IL19: variants seen among roughly 807,000 people sequenced by gnomAD.
IL19 encodes interleukin 19.
A neutral mutation model predicts 19.5 loss-of-function variants in IL19; 15 were observed. The observed-to-expected ratio is 0.77, with a 90% CI of 0.52 to 1.19. The LOEUF is 1.19. IL19 is among the 50% of genes most tolerant of loss of function. The probability of loss-of-function intolerance (pLI) is 0.00; values close to 1 mark genes in which losing one functional copy is unlikely to be tolerated. For synonymous variants in IL19, 78 were observed against 78.3 expected (o/e 1.00, Z 0.02); for missense variants, 199 against 213.1 (o/e 0.93, Z 0.41).
chr1:206,782,184 A>G (rs1040129594), intron 1 of IL19, among the ~76,000 whole-genome samples: 10 of 151,984 alleles, frequency 6.6e-5, no homozygotes, highest in Non-Finnish European at 1.5e-4. Context: ...GCATTTTTAA[A>G]TGAGATGTAA....
chr1:206,809,536 C>T (rs1163295086), intron 2 of IL19, among the ~76,000 whole-genome samples: 1 of 152,222 alleles, frequency 6.6e-6, no homozygotes, highest in Admixed American at 6.5e-5. Flanking sequence ...TGATTTTATA[C>T]TGCACCATTG....
At chr1:206,807,676 AG>A (rs1233148148) in intron 2 of IL19, among the ~76,000 whole-genome samples, 1 of 152,082 alleles carries the variant, frequency 6.6e-6, no homozygotes, top group East Asian at 1.9e-4. Flanking sequence ...TTATGTGTTT[AG>A]TTGTGTTACA....
At chr1:206,816,714 TAA>T (rs1676166841) in intron 2 of IL19, among the ~76,000 whole-genome samples, 1 of 152,164 alleles carries the variant, frequency 6.6e-6, no homozygotes, top group South Asian at 2.1e-4. Flanking sequence ...ACAAATGGCC[TAA>T]ATATGACCAT....
intron 1 of IL19, among the ~76,000 whole-genome samples, chr1:206,794,461 C>T (rs1675474156): frequency 6.6e-6 from 1 of 152,168 alleles, no homozygotes; most frequent in African/African-American, 2.4e-5. Context: ...CTTTGTGAAG[C>T]CTCTTCCCAC....
intron 2 of IL19, among the ~76,000 whole-genome samples, chr1:206,835,001 C>T (rs372457710): frequency 3.9e-5 from 6 of 152,168 alleles, no homozygotes; most frequent in South Asian, 4.1e-4. Context: ...GAGAAAATTA[C>T]GTAAAATTCT....
At chr1:206,793,895 G>T (rs551745640) in intron 1 of IL19, among the ~76,000 whole-genome samples, 1 of 152,170 alleles carries the variant, frequency 6.6e-6, no homozygotes, top group African/African-American at 2.4e-5. Flanking sequence ...AGAAAGAGGG[G>T]CTGAGTAGCA....
chr1:206,795,457 G>A (rs1212196338), intron 1 of IL19, among the ~76,000 whole-genome samples: 4 of 152,136 alleles, frequency 2.6e-5, no homozygotes, highest in Non-Finnish European at 5.9e-5. Flanking sequence ...TCTCAGATTG[G>A]ATGCCTCAAG....
chr1:206,831,236 G>A (rs1319255713), intron 2 of IL19, among the ~76,000 whole-genome samples: 1 of 152,196 alleles, frequency 6.6e-6, no homozygotes, highest in East Asian at 1.9e-4. Context: ...ACATGAGAGA[G>A]TTGTGTCCAG....
intron 1 of IL19, among the ~76,000 whole-genome samples, chr1:206,786,074 T>A (rs1572547491): frequency 2.0e-5 from 3 of 152,144 alleles, no homozygotes; most frequent in African/African-American, 7.2e-5. Context: ...ATGAGCAAGC[T>A]GGCCTCACCA....
At chr1:206,786,407 T>C (rs917555026) in intron 1 of IL19, among the ~76,000 whole-genome samples, 8 of 152,140 alleles carry the variant, frequency 5.3e-5, no homozygotes, top group Non-Finnish European at 1.2e-4. Flanking sequence ...ATCCAAAGAT[T>C]GGTGCAAGTG....
At chr1:206,804,891 A>G (rs1468884013) in intron 2 of IL19, among the ~76,000 whole-genome samples, 1 of 152,236 alleles carries the variant, frequency 6.6e-6, no homozygotes, top group African/African-American at 2.4e-5. Context: ...GGGTGAAATT[A>G]TCTGAATCCC....
Position 206,842,235 on chromosome 1 carries a change from A to AT in IL19, c.439-283dup, listed in dbSNP as rs201251513. 9.0e-3 allele frequency among the ~76,000 whole-genome samples: 1,371 copies of AT among 151,716 alleles called. 18 individuals carry two copies. The highest frequency in any genetic ancestry group is 0.037 in the Middle Eastern group (11 of 294). On this transcript the variant is annotated intron_variant, in intron 6 of 6. Coordinates refer to ENST00000659997, the MANE Select transcript of IL19 (RefSeq NM_153758.5). ...TCAGCGGAACTGGCCAGTAAGGCAG[A>AT]TTTTTTTTTCCTGTGAAAAACAGAG... is the stretch of plus-strand genomic sequence containing the variant.
chr1:206,772,714 C>T (rs796620211), intron 1 of IL19, among the ~76,000 whole-genome samples: 7 of 152,152 alleles, frequency 4.6e-5, no homozygotes, highest in African/African-American at 1.4e-4. Flanking sequence ...TTAGGATGGG[C>T]TACCTCTCTT....
chr1:206,837,049 A>G, intron 4 of IL19, 26 bp downstream of exon 4: 1 of 1,573,882 alleles, frequency 6.4e-7, no homozygotes, highest in Non-Finnish European at 8.7e-7. Context: ...TGCTTTTTCC[A>G]GTATTTTTAT....
At chr1:206,790,731 C>G (rs890568453) in intron 1 of IL19, among the ~76,000 whole-genome samples, 1 of 152,150 alleles carries the variant, frequency 6.6e-6, no homozygotes, top group Non-Finnish European at 1.5e-5. Flanking sequence ...TCATCCCCTT[C>G]CCCCATTGCC....
intron 1 of IL19, among the ~76,000 whole-genome samples, chr1:206,791,360 T>C (rs1675399349): frequency 1.3e-5 from 2 of 150,164 alleles, no homozygotes; most frequent in East Asian, 3.9e-4. Flanking sequence ...TGGAGTACAA[T>C]GGCATGATCT....
chr1:206,832,328 T>C (rs759408600), intron 2 of IL19, among the ~76,000 whole-genome samples: 3 of 152,240 alleles, frequency 2.0e-5, no homozygotes. Context: ...TTACCTATTT[T>C]ATGGAGCTTC....
chr1:206,837,853 G>A (rs888267598), intron 4 of IL19, among the ~76,000 whole-genome samples: 2 of 152,036 alleles, frequency 1.3e-5, no homozygotes, highest in African/African-American at 4.8e-5. Flanking sequence ...CACCCAAAAA[G>A]AATAAAAGAA....
At chr1:206,798,681 C>T (rs1479971405) in intron 1 of IL19, among the ~76,000 whole-genome samples, 180 bp from the exon 2 acceptor site, 1 of 152,000 alleles carries the variant, frequency 6.6e-6, no homozygotes, top group African/African-American at 2.4e-5. Context: ...CCACTGTCCT[C>T]CTGGAGCTCT....
Sources: gnomAD v4.1 joint callset for allele counts (sites outside exome capture counted in the v4.1 genomes callset) on GRCh38, gnomAD v4.1.1 for gene constraint, MANE v1.5 for transcripts, NCBI Gene and HGNC (gene_info 2026-07-23, HGNC 2026-07-21) for gene names.